Variants in MRTFB observed in about 807,000 individuals in gnomAD.
The protein encoded by MRTFB is myocardin related transcription factor B.
Under a neutral mutation model 104.2 loss-of-function variants are expected in MRTFB, and 29 were observed. The observed-to-expected ratio is 0.28, with a 90% CI of 0.21 to 0.38. The LOEUF (loss-of-function observed/expected upper bound fraction) is 0.38, where lower values mean the gene tolerates loss of function less well. Ranked by LOEUF, MRTFB falls within the 10% of genes least tolerant of loss-of-function variation. The pLI is 1.00. For missense variants in MRTFB, 1,270 were observed against 1,341.6 expected (o/e 0.95, Z 0.83); for synonymous variants, 535 against 519.5 (o/e 1.03, Z -0.41).
chr16:14,243,075 TC>T (rs2042846267), intron 10 of MRTFB, among the ~76,000 whole-genome samples: 1 of 152,106 alleles, frequency 6.6e-6, no homozygotes, highest in Non-Finnish European at 1.5e-5. Flanking sequence ...AAAGGCTCTT[TC>T]GGGGGACAAT....
the MRTFB span, among the ~76,000 whole-genome samples, chr16:14,041,349 C>G: frequency 9.8e-5 from 15 of 152,312 alleles, no homozygotes; most frequent in South Asian, 2.9e-3. Context: ...TCCATTTCCT[C>G]CTAACCCTAG....
intron 3 of MRTFB, chr16:14,142,826 G>C (rs536837198): frequency 1.3e-5 from 2 of 152,312 alleles, no homozygotes; most frequent in African/African-American, 4.8e-5. Context: ...ATGTATGCCA[G>C]AATATAAGGT....
chr16:14,171,381 G>A (rs928996002), intron 3 of MRTFB, among the ~76,000 whole-genome samples: 5 of 152,084 alleles, frequency 3.3e-5, no homozygotes, highest in African/African-American at 9.7e-5. Context: ...TGTAATCCCA[G>A]CTACTCGGGA....
At chr16:14,157,005 T>G (rs181648206) in intron 3 of MRTFB, among the ~76,000 whole-genome samples, 26 of 152,334 alleles carry the variant, frequency 1.7e-4, no homozygotes, top group Admixed American at 1.2e-3. Context: ...GGAAAAGGTC[T>G]TGCAATGAAA....
rs1304940932 is a variant in MRTFB, at chr16:14,258,102, T to C, written c.2705T>C (p.Ile902Thr). ...TRSTQAPLPEISNAHSQQMDD... is the reference protein window; with the variant it reads ...TRSTQAPLPETSNAHSQQMDD... ...AATTTGTACTCTCCTTCATTGTAGA[T>C]TTCCAACGCTCACAGTCAGCAGATG... is the stretch of plus-strand genomic sequence containing the variant. The change falls in exon 16 of 17, where the codon ATT becomes ACT. Residue 902 changes from isoleucine to threonine, a missense_variant and splice_region_variant. Coordinates refer to ENST00000571589, the MANE Select transcript of MRTFB (RefSeq NM_001308142.2). 3.7e-6 allele frequency: 6 copies of C among 1,613,676 alleles called. No homozygotes were observed. In the Admixed American group the frequency reaches 5.0e-5, roughly 13 times the overall value.
intron 3 of MRTFB, chr16:14,201,036 G>C (rs2040677564): frequency 1.3e-6 from 2 of 1,509,038 alleles, no homozygotes; most frequent in South Asian, 2.3e-5. Flanking sequence ...TCTTGACTTT[G>C]AACCTTTTAG....
intron 15 of MRTFB, among the ~76,000 whole-genome samples, chr16:14,256,974 A>G (rs527317864): frequency 1.8e-4 from 28 of 152,382 alleles, no homozygotes; most frequent in African/African-American, 6.7e-4. Flanking sequence ...GATGGCAGAT[A>G]AGCACTTGAA....
intron 9 of MRTFB, among the ~76,000 whole-genome samples, chr16:14,237,649 A>G (rs2151341306): frequency 6.6e-6 from 1 of 152,216 alleles, no homozygotes; most frequent in Non-Finnish European, 1.5e-5. Context: ...AGAGTGGGGA[A>G]CCACAGCCAG....
At chr16:14,220,546 C>T (rs187469919) in intron 8 of MRTFB, among the ~76,000 whole-genome samples, 51 of 152,306 alleles carry the variant, frequency 3.3e-4, no homozygotes, top group African/African-American at 8.9e-4. Flanking sequence ...TTAATTGAGA[C>T]GCTTTAACAA....
intron 1 of MRTFB, among the ~76,000 whole-genome samples, chr16:14,073,412 C>A (rs1453273029): frequency 6.6e-6 from 1 of 152,210 alleles, no homozygotes; most frequent in Non-Finnish European, 1.5e-5. Context: ...TCAGTGTTAT[C>A]TAGTCAATTA....
At chr16:14,221,300 A>C (rs1236585889) in intron 8 of MRTFB, among the ~76,000 whole-genome samples, 2 of 152,242 alleles carry the variant, frequency 1.3e-5, no homozygotes, top group Admixed American at 6.5e-5. Flanking sequence ...GATGTATATA[A>C]AATATATTTA....
chr16:14,182,964 T>C (rs2039819787), intron 3 of MRTFB, among the ~76,000 whole-genome samples: 1 of 152,326 alleles, frequency 6.6e-6, no homozygotes, highest in East Asian at 1.9e-4. Flanking sequence ...GAAGGAATGA[T>C]GGAGTTTTCA....
chr16:14,112,647 G>A (rs1167220431), intron 2 of MRTFB, among the ~76,000 whole-genome samples: 3 of 152,244 alleles, frequency 2.0e-5, no homozygotes, highest in Non-Finnish European at 2.9e-5. Context: ...GTCCAGGCCT[G>A]TGTGACCTGA....
the MRTFB span, among the ~76,000 whole-genome samples, chr16:14,017,056 C>CTTT: frequency 8.7e-3 from 1,097 of 125,396 alleles, 29 homozygotes; most frequent in African/African-American, 0.03. Context: ...CAGTCTTCTT[C>CTTT]TTTTTTTTTT....
At chr16:14,143,008 A>G (rs2038090241) in intron 3 of MRTFB, 1 of 152,186 alleles carries the variant, frequency 6.6e-6, no homozygotes, top group African/African-American at 2.4e-5. Context: ...CAAAGTCTAT[A>G]TGTGAATCTT....
chr16:14,177,228 A>C lies in MRTFB; in HGVS notation c.155-33015A>C, dbSNP rs145224742. On this transcript the variant is annotated intron_variant, in intron 3 of 16. Coordinates refer to ENST00000571589, the MANE Select transcript of MRTFB (RefSeq NM_001308142.2). This position sits in a 1 kb window ranked among gnomAD's most constrained non-coding sequence, Gnocchi z 4.7. The stretch of plus-strand genomic sequence containing the variant: ...AGGCTAACAAAGGTGGACTGACTTA[A>C]GGAGATAGAGGAGAGGCATGGAAGA... 2.8e-3 allele frequency among the ~76,000 whole-genome samples: 421 copies of C among 152,278 alleles called. 14 individuals carry two copies. The East Asian group carries it at 0.069, about 25-fold the overall frequency.
chr16:14,218,049 GTT>G (rs946867054), intron 7 of MRTFB, among the ~76,000 whole-genome samples: 2 of 151,898 alleles, frequency 1.3e-5, no homozygotes, highest in Admixed American at 6.6e-5. Context: ...TCCTTGTCAC[GTT>G]TTTTTGTTTG....
intron 4 of MRTFB, among the ~76,000 whole-genome samples, chr16:14,211,579 A>G (rs995133124): frequency 5.9e-5 from 9 of 152,182 alleles, no homozygotes; most frequent in African/African-American, 2.2e-4. Flanking sequence ...GGACATATGC[A>G]GACAAGATTT....
At chr16:14,196,193 A>C (rs1237713193) in intron 3 of MRTFB, among the ~76,000 whole-genome samples, 3 of 152,258 alleles carry the variant, frequency 2.0e-5, no homozygotes, top group East Asian at 3.8e-4. Flanking sequence ...CCATGGCAAC[A>C]GAAGCAGCAG....
Sources: allele counts gnomAD v4.1 joint callset (sites outside exome capture counted in the v4.1 genomes callset), GRCh38; gene constraint gnomAD v4.1.1; non-coding constraint Gnocchi (gnomAD v3.1); transcripts MANE v1.5; gene names NCBI Gene and HGNC (gene_info 2026-07-23, HGNC 2026-07-21).